The following TRAPPC10 variants were observed in gnomAD, a reference collection of about 807,000 sequenced individuals.
The protein encoded by TRAPPC10 is TRAPP 130 kDa subunit.
In TRAPPC10, 23 loss-of-function variants were observed where a neutral mutation model predicts 125.5. That is an observed-to-expected ratio of 0.18 (90% CI 0.13 to 0.26). The LOEUF is 0.26. Among genes scored for constraint, TRAPPC10 ranks in the 10% least tolerant of loss-of-function variants. The pLI, the probability that TRAPPC10 is intolerant of heterozygous loss-of-function variation, is 1.00. For synonymous variants in TRAPPC10, 509 were observed against 518.0 expected, an observed-to-expected ratio of 0.98 and a Z score of 0.24; for missense variants, 1,123 against 1,308.4, an observed-to-expected ratio of 0.86 and a Z score of 2.19.
Position 44,082,944 on chromosome 21 carries a change from T to C in TRAPPC10, c.1880T>C (p.Val627Ala). ...CCTGTTCACGTGGAGCAGATTGTGG[T>C]CAATGTCCACTTCAGCATTGAGAAA... ...PVPVHVEQIV[V>A]NVHFSIEKNS... is the part of the protein sequence containing the mutation. The change falls in exon 14 of 23, where the codon GTC becomes GCC. Residue 627 changes from valine to alanine, a missense_variant. Physicochemically the swap from Val to Ala is moderately conservative, Grantham distance 64. Coordinates refer to ENST00000291574, the MANE Select transcript of TRAPPC10 (RefSeq NM_003274.5). The surrounding 1 kb of genome is among the most constrained non-coding windows in gnomAD (Gnocchi z 4.4). 6.2e-7 allele frequency: 1 copy of C among 1,613,936 alleles called. No individual in the cohort carries two copies. Among genetic ancestry groups the C allele is most frequent in the Non-Finnish European group, 8.5e-7 (1 of 1,179,998 alleles).
chr21:44,043,209 CTTTTT>C (rs34708259), intron 3 of TRAPPC10, among the ~76,000 whole-genome samples: 1 of 94,354 alleles, frequency 1.1e-5, no homozygotes, highest in African/African-American at 4.9e-5. Flanking sequence ...AATTATTACG[CTTTTT>C]TTTTTTTTTT....
chr21:44,040,916 G>A (rs1465198391), intron 3 of TRAPPC10, among the ~76,000 whole-genome samples: 5 of 151,838 alleles, frequency 3.3e-5, no homozygotes, highest in Non-Finnish European at 7.4e-5. Flanking sequence ...GCGCCCGGCC[G>A]CCATAGTTCA....
intron 13 of TRAPPC10, among the ~76,000 whole-genome samples, chr21:44,080,497 T>C (rs978531662): frequency 6.6e-6 from 1 of 152,140 alleles, no homozygotes; most frequent in South Asian, 2.1e-4. Context: ...ATCTCAGTTC[T>C]CTTTTAATGT....
intron 1 of TRAPPC10, among the ~76,000 whole-genome samples, chr21:44,029,860 T>C (rs1179970535): frequency 2.0e-5 from 3 of 152,258 alleles, no homozygotes; most frequent in Non-Finnish European, 4.4e-5. Flanking sequence ...CATATGGTTA[T>C]ATTCTGAGGT....
At chr21:44,035,182 T>C (rs2033901174) in intron 2 of TRAPPC10, among the ~76,000 whole-genome samples, 1 of 152,198 alleles carries the variant, frequency 6.6e-6, no homozygotes, top group Non-Finnish European at 1.5e-5. Flanking sequence ...GGGCTCCTTA[T>C]CACGTGAGTG....
In TRAPPC10 at chr21:44,012,332, A is replaced by AGGCCGGCAGCAGC; in HGVS notation, c.-159_-147dup. 2 of 197,178 alleles carry AGGCCGGCAGCAGC rather than the reference A, an allele frequency of 1.0e-5. No individual in the cohort carries two copies. Among genetic ancestry groups the AGGCCGGCAGCAGC allele is most frequent in the African/African-American group, 4.7e-5 (2 of 42,182 alleles). 12.2% of individuals were successfully genotyped at this position (197,178 alleles called of 1,614,324 possible). ...GCGGCGCCGAGGCCGGAAGTGGCTG[A>AGGCCGGCAGCAGC]GGCCGGCAGCAGCGGGCGGCAGCTG... On this transcript the variant is annotated 5_prime_UTR_variant, in exon 1 of 23. Transcript: ENST00000291574.
intron 1 of TRAPPC10, among the ~76,000 whole-genome samples, chr21:44,016,819 T>C (rs1051044842): frequency 3.3e-4 from 50 of 152,136 alleles, no homozygotes; most frequent in South Asian, 8.3e-4. Flanking sequence ...CCACCACGCC[T>C]GGCTAATTTT....
At chr21:44,051,716 G>A (rs1398463007) in intron 3 of TRAPPC10, among the ~76,000 whole-genome samples, 1 of 152,236 alleles carries the variant, frequency 6.6e-6, no homozygotes, top group East Asian at 1.9e-4. Flanking sequence ...CACAGCTGTA[G>A]CTGCTTGCCT....
Position 44,083,166 on chromosome 21 carries a change from T to G in TRAPPC10, c.2102T>G (p.Met701Arg). ...GGGATTATCTGCAGAAACGTCCACATGCTCCTGAGAAGGCAGGAGAGCAGC... is the reference window on the plus strand; with the variant it reads ...GGGATTATCTGCAGAAACGTCCACAGGCTCCTGAGAAGGCAGGAGAGCAGC... ...TTGIICRNVHMLLRRQESSSS... is the reference protein window; with the variant it reads ...TTGIICRNVHRLLRRQESSSS... Residue 701 changes from methionine (M) to arginine (R), a missense_variant, in exon 14 of 23, where the codon ATG becomes AGG. Transcript: ENST00000291574. 1 of 1,614,222 alleles carries G rather than the reference T, an allele frequency of 6.2e-7. No individual in the cohort carries two copies. Among genetic ancestry groups the G allele is most frequent in the East Asian group, 2.2e-5 (1 of 44,890 alleles).
intron 4 of TRAPPC10, 90 bp from the exon 5 acceptor site, chr21:44,055,608 G>T: frequency 2.1e-5 from 21 of 1,012,866 alleles, no homozygotes; most frequent in Non-Finnish European, 2.4e-5. Flanking sequence ...GAGGAAGGAA[G>T]AAAATTGCCG....
chr21:44,090,582 G>A (rs543529827), intron 18 of TRAPPC10, among the ~76,000 whole-genome samples: 1 of 152,324 alleles, frequency 6.6e-6, no homozygotes, highest in South Asian at 2.1e-4. Context: ...AAAGGCTTGA[G>A]TAGACTCCAG....
In TRAPPC10 at chr21:44,089,565, C is replaced by G. The variant is rs368138523; in HGVS notation, c.2770-268C>G. On this transcript the variant is annotated intron_variant, in intron 17 of 22. Transcript: ENST00000291574. ...GTCTGCTGCTTAGAGGACGGCTGTG[C>G]TCTTCCGCCGTTGAGGTGACTCTGG... 18 of 519,526 alleles carry G rather than the reference C, an allele frequency of 3.5e-5. No homozygotes were observed. The East Asian group carries it at 6.1e-4, about 18-fold the overall frequency. The allele number at this position is 519,526 out of a possible 1,614,324, so 32.2% of individuals were successfully genotyped here. A position where few individuals can be genotyped will look rare whatever the true frequency, so the allele number is the denominator to read the frequency against.
Position 44,028,561 on chromosome 21 carries a change from C to G in TRAPPC10, c.68-3530C>G, listed in dbSNP as rs148463375. ...TGACCTGCCGCACCCTCTTATCTCC[C>G]TGTCTCCCCAGTGGGCATGAGAGCC... On this transcript the variant is annotated intron_variant, in intron 1 of 22. Coordinates refer to ENST00000291574, the MANE Select transcript of TRAPPC10 (RefSeq NM_003274.5). Among the ~76,000 whole-genome samples, 542 of 152,328 alleles carry G rather than the reference C, an allele frequency of 3.6e-3. 4 individuals carry two copies. The highest frequency in any genetic ancestry group is 0.013 in the African/African-American group (520 of 41,582).
chr21:44,021,547 C>G (rs1010584967), intron 1 of TRAPPC10, among the ~76,000 whole-genome samples: 10 of 152,168 alleles, frequency 6.6e-5, no homozygotes, highest in Admixed American at 3.3e-4. Context: ...GTGAACTGCC[C>G]AATCTTGCTT....
chr21:44,077,711 A>G lies in TRAPPC10; in HGVS notation c.1396A>G (p.Ile466Val), dbSNP rs372581600. 1.9e-6 allele frequency: 3 copies of G among 1,605,546 alleles called. No homozygotes were observed. In the African/African-American group the frequency reaches 4.0e-5, roughly 21 times the overall value. The change falls in exon 11 of 23, where the codon ATT becomes GTT. Residue 466 changes from isoleucine (I) to valine (V), a missense_variant. By Grantham distance (29) the Ile-to-Val change is conservative (BLOSUM62 3). Around this residue, in one of 4 missense-constraint regions of TRAPPC10, gnomAD observed 840 missense variants for 902.0 expected, o/e 0.93. Coordinates refer to ENST00000291574, the MANE Select transcript of TRAPPC10 (RefSeq NM_003274.5). ...CCCACAGGATTTGTCCCATGCCACC[A>G]TTGAAATGTATACAAGCATTGGGAG... The part of the protein sequence containing the change: ...KHYLDLSHAT[I>V]EMYTSIGRIR...
chr21:44,052,517 G>A (rs773580615), intron 4 of TRAPPC10, 41 bp downstream of exon 4: 1 of 1,535,992 alleles, frequency 6.5e-7, no homozygotes, highest in Non-Finnish European at 8.8e-7. Context: ...GTTAATACTT[G>A]ACATGATACA....
At chr21:44,078,956 A>G (rs1210059035) in intron 11 of TRAPPC10, among the ~76,000 whole-genome samples, 1 of 152,084 alleles carries the variant, frequency 6.6e-6, no homozygotes, top group African/African-American at 2.4e-5. Flanking sequence ...TAAAAAAAAC[A>G]GTTGTGCTTT....
chr21:44,072,294 G>A (rs1387056425), intron 7 of TRAPPC10, among the ~76,000 whole-genome samples: 4 of 152,208 alleles, frequency 2.6e-5, no homozygotes, highest in African/African-American at 4.8e-5. Flanking sequence ...GCGCCTGGTC[G>A]CGGAGCGGCC....
intron 7 of TRAPPC10, among the ~76,000 whole-genome samples, chr21:44,073,488 T>C (rs1254037864): frequency 6.6e-6 from 1 of 152,256 alleles, no homozygotes. Context: ...AAACTGCATC[T>C]TATACAGCAG....
Sources: gnomAD v4.1 joint callset for allele counts (sites outside exome capture counted in the v4.1 genomes callset) on GRCh38, gnomAD v4.1.1 for gene constraint, gnomAD v4.1.1 regional missense constraint, Gnocchi (gnomAD v3.1) non-coding constraint, MANE v1.5 for transcripts, NCBI Gene and HGNC (gene_info 2026-07-23, HGNC 2026-07-21) for gene names.